EMID1: variants seen among roughly 807,000 people sequenced by gnomAD.
EMID1 encodes the protein EMI domain-containing protein 1.
A neutral mutation model predicts 60.6 loss-of-function variants in EMID1; 40 were observed. The ratio of observed to expected loss-of-function variants is 0.66; its 90% CI spans 0.51 to 0.86. The LOEUF (loss-of-function observed/expected upper bound fraction) is 0.86. Among genes scored for constraint, EMID1 ranks in the 40% least tolerant of loss-of-function variants. The pLI, the probability that EMID1 is intolerant of heterozygous loss-of-function variation, is 0.00. For missense variants in EMID1, 585 were observed against 597.1 expected (o/e 0.98, Z 0.21); for synonymous variants, 242 against 231.0 (o/e 1.05, Z -0.43).
At chr22:29,257,864 C>G (rs2041757389) in intron 14 of EMID1, among the ~76,000 whole-genome samples, 1 of 152,238 alleles carries the variant, frequency 6.6e-6, no homozygotes, top group African/African-American at 2.4e-5. Context: ...GGGGCCAGTG[C>G]TCTGTGCCAC....
chr22:29,259,018 G>A lies in EMID1; in HGVS notation c.*74G>A. The A allele has an allele frequency of 7.1e-6, 11 of 1,544,830 alleles. No individual in the cohort carries two copies. The highest frequency in any genetic ancestry group is 2.2e-5 in the Admixed American group (1 of 46,108). On this transcript the variant is annotated 3_prime_UTR_variant, in exon 15 of 15. Coordinates refer to ENST00000334018, the MANE Select transcript of EMID1 (RefSeq NM_133455.4). ...CTGGACTCGGCCAGCTGCCTCCAGG[G>A]ACCGCCCGTCCATATTTATTAATGT...
intron 12 of EMID1, among the ~76,000 whole-genome samples, chr22:29,238,309 A>G (rs1345695448): frequency 2.2e-5 from 3 of 136,026 alleles, no homozygotes; most frequent in African/African-American, 8.9e-5. Flanking sequence ...TATTAGAGAT[A>G]AGGTCATACT....
chr22:29,222,794 C>G (rs2040347287), intron 3 of EMID1, among the ~76,000 whole-genome samples: 1 of 152,070 alleles, frequency 6.6e-6, no homozygotes, highest in Non-Finnish European at 1.5e-5. Context: ...TATTCATCAA[C>G]AAAAGTTTTA....
intron 13 of EMID1, among the ~76,000 whole-genome samples, chr22:29,246,275 G>A (rs150437346): frequency 1.6e-3 from 242 of 152,118 alleles, no homozygotes; most frequent in African/African-American, 5.7e-3. Flanking sequence ...GGGTGTAGGA[G>A]GCCACGTTCA....
chr22:29,234,397 T>C, intron 12 of EMID1, 48 bp downstream of exon 12: 1 of 1,596,838 alleles, frequency 6.3e-7, no homozygotes, highest in South Asian at 1.1e-5. Flanking sequence ...GATCCCTTAG[T>C]CCCAGATTCC....
chr22:29,232,499 C>A, intron 8 of EMID1, 97 bp downstream of exon 8: 1 of 1,353,894 alleles, frequency 7.4e-7, no homozygotes, highest in Non-Finnish European at 9.9e-7. Flanking sequence ...TGTGTGCCAG[C>A]CCTGCTCACG....
At chr22:29,216,742 C>A in intron 3 of EMID1, 1 of 858,062 alleles carries the variant, frequency 1.2e-6, no homozygotes, top group Non-Finnish European at 1.4e-6. Flanking sequence ...TGCCCAGAGG[C>A]ACACGGCCAT....
chr22:29,253,516 AG>A (rs1294088299), intron 13 of EMID1, among the ~76,000 whole-genome samples: 2 of 152,152 alleles, frequency 1.3e-5, no homozygotes, highest in African/African-American at 4.8e-5. Context: ...TGGGAGGTGG[AG>A]GTTGCGGTGA....
At chr22:29,215,129 G>A in intron 2 of EMID1, 90 bp downstream of exon 2, 1 of 1,444,114 alleles carries the variant, frequency 6.9e-7, no homozygotes, top group Non-Finnish European at 9.2e-7. Context: ...GGGGAGTGTG[G>A]GGGAAGACTG....
chr22:29,228,501 T>C (rs2040611506), intron 5 of EMID1, among the ~76,000 whole-genome samples: 1 of 152,202 alleles, frequency 6.6e-6, no homozygotes, highest in Non-Finnish European at 1.5e-5. Flanking sequence ...TTCCAGATTT[T>C]CTAAACACAC....
In EMID1 at chr22:29,236,414, T is replaced by C. The variant is rs568307486; in HGVS notation, c.1074+2065T>C. ...CTCTAAAACATAACTAAATAGTCTG[T>C]GCACGGTGGCTCACACCTGTAATCC... On this transcript the variant is annotated intron_variant, in intron 12 of 14. Coordinates refer to ENST00000334018, the MANE Select transcript of EMID1 (RefSeq NM_133455.4). Among the ~76,000 whole-genome samples the C allele has an allele frequency of 4.6e-5, 7 of 151,960 alleles. No homozygotes were observed. The South Asian group carries it at 1.5e-3, about 32-fold the overall frequency.
intron 1 of EMID1, among the ~76,000 whole-genome samples, chr22:29,212,138 A>G (rs2039911005): frequency 6.6e-6 from 1 of 151,922 alleles, no homozygotes; most frequent in African/African-American, 2.4e-5. Flanking sequence ...GGCGCACACC[A>G]CCACGCCCAG....
At chr22:29,253,847 A>G in intron 13 of EMID1, 1 of 948,108 alleles carries the variant, frequency 1.1e-6, no homozygotes, top group South Asian at 4.9e-5. Context: ...GTGCTGGGCG[A>G]CAGACATTAG....
intron 5 of EMID1, among the ~76,000 whole-genome samples, chr22:29,227,010 C>A (rs895303000): frequency 6.6e-5 from 10 of 151,626 alleles, no homozygotes; most frequent in Non-Finnish European, 2.9e-5. Flanking sequence ...CAACCCCCAT[C>A]CATAATACTA....
At chr22:29,226,322 C>G in intron 4 of EMID1, 168 bp from the exon 5 acceptor site, 1 of 640,892 alleles carries the variant, frequency 1.6e-6, no homozygotes, top group South Asian at 2.4e-5. Flanking sequence ...GGTGAGGTCC[C>G]CCTGGACCCA....
intron 13 of EMID1, chr22:29,253,966 G>A (rs1290800378): frequency 1.0e-6 from 1 of 985,366 alleles, no homozygotes; most frequent in Non-Finnish European, 1.2e-6. Context: ...AGAGCAGCCA[G>A]CTGGGATCCA....
chr22:29,232,572 G>A, intron 8 of EMID1, 170 bp downstream of exon 8: 1 of 734,038 alleles, frequency 1.4e-6, no homozygotes, highest in Non-Finnish European at 2.1e-6. Flanking sequence ...TACAGGTGAG[G>A]AACACTGAGG....
At chr22:29,212,017 G>A (rs2039904777) in intron 1 of EMID1, among the ~76,000 whole-genome samples, 3 of 152,260 alleles carry the variant, frequency 2.0e-5, no homozygotes, top group South Asian at 2.1e-4. Flanking sequence ...ACAGAGTTTC[G>A]CTCTGCTGCC....
intron 1 of EMID1, among the ~76,000 whole-genome samples, chr22:29,210,994 G>T (rs570547328): frequency 6.6e-6 from 1 of 152,330 alleles, no homozygotes; most frequent in South Asian, 2.1e-4. Flanking sequence ...GCATGTGCAT[G>T]GATGTACATG....
Sources: allele counts gnomAD v4.1 joint callset (sites outside exome capture counted in the v4.1 genomes callset), GRCh38; gene constraint gnomAD v4.1.1; transcripts MANE v1.5; gene names NCBI Gene and HGNC (gene_info 2026-07-23, HGNC 2026-07-21).